The following TASP1 variants were observed in gnomAD, a reference collection of about 807,000 sequenced individuals.
TASP1 encodes threonine aspartase 1.
A neutral mutation model predicts 56.6 loss-of-function variants in TASP1; 16 were observed. That is an observed-to-expected ratio of 0.28 (90% CI 0.19 to 0.43). TASP1 has a LOEUF of 0.43. TASP1 is among the 20% of genes least tolerant of loss of function. The pLI, the probability that TASP1 is intolerant of heterozygous loss-of-function variation, is 1.00. For missense variants in TASP1, 393 were observed against 511.6 expected (o/e 0.77, Z 2.24); for synonymous variants, 179 against 184.2 (o/e 0.97, Z 0.23).
the TASP1 span, among the ~76,000 whole-genome samples, chr20:13,306,332 T>G: frequency 6.6e-6 from 1 of 152,234 alleles, no homozygotes; most frequent in African/African-American, 2.4e-5. Flanking sequence ...TTATTTGCCA[T>G]GGAAGAGAAC....
At chr20:13,289,184 A>G in the TASP1 span, among the ~76,000 whole-genome samples, 1 of 152,296 alleles carries the variant, frequency 6.6e-6, no homozygotes, top group East Asian at 1.9e-4. Context: ...CCGTGACCTA[A>G]AAGACAATGT....
chr20:13,438,902 A>G (rs1304062216), intron 11 of TASP1, among the ~76,000 whole-genome samples: 1 of 152,244 alleles, frequency 6.6e-6, no homozygotes, highest in African/African-American at 2.4e-5. Context: ...GACACATGAA[A>G]AAATGCTCAT....
intron 11 of TASP1, among the ~76,000 whole-genome samples, chr20:13,448,611 C>T (rs568689629): frequency 1.3e-5 from 2 of 152,096 alleles, no homozygotes; most frequent in East Asian, 1.9e-4. Context: ...AGAAACGTGG[C>T]GTGGTACCCT....
intron 10 of TASP1, among the ~76,000 whole-genome samples, chr20:13,516,509 G>C (rs997251740): frequency 6.6e-6 from 1 of 152,088 alleles, no homozygotes; most frequent in African/African-American, 2.4e-5. Flanking sequence ...TTGACAGGTT[G>C]CTCAACTTAC....
intron 11 of TASP1, among the ~76,000 whole-genome samples, chr20:13,478,640 G>A (rs1285138024): frequency 6.6e-6 from 1 of 152,026 alleles, no homozygotes; most frequent in Non-Finnish European, 1.5e-5. Context: ...TTCAGGTGAT[G>A]GTTACACTGA....
chr20:13,564,726 G>C (rs1026033227), intron 7 of TASP1, among the ~76,000 whole-genome samples: 4 of 152,054 alleles, frequency 2.6e-5, no homozygotes, highest in Non-Finnish European at 4.4e-5. Context: ...TGGAGGCTGG[G>C]CGTGGTGGCT....
intron 13 of TASP1, among the ~76,000 whole-genome samples, chr20:13,414,347 C>T (rs1191167092): frequency 1.3e-5 from 2 of 152,178 alleles, no homozygotes; most frequent in African/African-American, 2.4e-5. Flanking sequence ...TATTGTCCAT[C>T]TGCCCCTCAT....
intron 11 of TASP1, among the ~76,000 whole-genome samples, chr20:13,448,216 T>A (rs1194860780): frequency 6.6e-6 from 1 of 152,134 alleles, no homozygotes; most frequent in Non-Finnish European, 1.5e-5. Flanking sequence ...TTGCCCAACA[T>A]AAATTTCTTG....
chr20:13,461,521 G>A (rs2044050935), intron 11 of TASP1, among the ~76,000 whole-genome samples: 1 of 152,096 alleles, frequency 6.6e-6, no homozygotes, highest in African/African-American at 2.4e-5. Flanking sequence ...GATTATCTAG[G>A]CCAGGAATTG....
chr20:13,157,967 A>G, the TASP1 span, among the ~76,000 whole-genome samples: 4 of 152,232 alleles, frequency 2.6e-5, no homozygotes, highest in Non-Finnish European at 5.9e-5. Context: ...GTCTGTAGCC[A>G]GTTATCCTTT....
chr20:13,489,788 A>C lies in TASP1; in HGVS notation c.875-6451T>G, dbSNP rs143543526. On this transcript the variant is annotated intron_variant, in intron 10 of 13. Coordinates refer to ENST00000337743, the MANE Select transcript of TASP1 (RefSeq NM_017714.3). ...ATAAAATTACCATTTAACCATTTTT[A>C]AAGTATGCAATTCAGTGGCATTAAG... Among the ~76,000 whole-genome samples the C allele has an allele frequency of 3.3e-5, 5 of 152,348 alleles. 1 individual carries two copies. The East Asian group carries it at 9.6e-4, about 29-fold the overall frequency.
the TASP1 span, chr20:13,126,446 C>A: frequency 1.1e-5 from 10 of 906,316 alleles, no homozygotes; most frequent in East Asian, 2.8e-4. Flanking sequence ...TTGATGAAAA[C>A]CATTGAAAGT....
chr20:13,384,665 T>C (rs2041151415), downstream of TASP1, among the ~76,000 whole-genome samples: 1 of 152,198 alleles, frequency 6.6e-6, no homozygotes, highest in Non-Finnish European at 1.5e-5. Flanking sequence ...TGTGATATTA[T>C]TAACTTTATG....
At chr20:13,471,012 A>G (rs1033566486) in intron 11 of TASP1, among the ~76,000 whole-genome samples, 1 of 152,006 alleles carries the variant, frequency 6.6e-6, no homozygotes, top group Non-Finnish European at 1.5e-5. Flanking sequence ...TTCAAAGGAT[A>G]CTCTTTTTCT....
chr20:13,426,973 T>A (rs1172014253), intron 12 of TASP1, among the ~76,000 whole-genome samples: 1 of 152,238 alleles, frequency 6.6e-6, no homozygotes, highest in Non-Finnish European at 1.5e-5. Context: ...CAAACATCTA[T>A]AAATACCTCT....
the TASP1 span, chr20:13,279,744 G>A: frequency 1.9e-6 from 3 of 1,614,026 alleles, no homozygotes; most frequent in African/African-American, 1.3e-5. Context: ...CCTGGTGGCA[G>A]AGGTCCCTGT....
chr20:13,541,467 C>A (rs2045619147), intron 8 of TASP1, among the ~76,000 whole-genome samples: 1 of 152,152 alleles, frequency 6.6e-6, no homozygotes, highest in African/African-American at 2.4e-5. Flanking sequence ...CTTAACACTA[C>A]AACCTGTCCT....
intron 1 of TASP1, among the ~76,000 whole-genome samples, chr20:13,636,290 C>T (rs546571607): frequency 3.7e-4 from 55 of 150,488 alleles, no homozygotes; most frequent in African/African-American, 1.2e-3. Flanking sequence ...GAATTACAGG[C>T]GCAGGCCACC....
At chr20:13,471,873 C>T (rs541804178) in intron 11 of TASP1, among the ~76,000 whole-genome samples, 1 of 152,248 alleles carries the variant, frequency 6.6e-6, no homozygotes, top group African/African-American at 2.4e-5. Flanking sequence ...TGCGGCATCG[C>T]CTCATCCAGG....
Sources: gnomAD v4.1 joint callset for allele counts (sites outside exome capture counted in the v4.1 genomes callset) on GRCh38, gnomAD v4.1.1 for gene constraint, MANE v1.5 for transcripts, NCBI Gene and HGNC (gene_info 2026-07-23, HGNC 2026-07-21) for gene names.